ERCC6: variants seen among roughly 807,000 people sequenced by gnomAD.
ERCC6 encodes ERCC excision repair 6, chromatin remodeling factor, also known as DNA excision repair protein ERCC-6.
ERCC6 carries 116 observed loss-of-function variants against 158.7 expected under a neutral mutation model. The observed-to-expected ratio is 0.73, with a 90% CI of 0.63 to 0.85. The LOEUF (loss-of-function observed/expected upper bound fraction) is 0.85. Ranked by LOEUF, ERCC6 falls within the 40% of genes least tolerant of loss-of-function variation. ERCC6 has a pLI of 0.00. For missense variants in ERCC6, 1,698 were observed against 1,799.4 expected (o/e 0.94, Z 1.02); for synonymous variants, 678 against 659.3 (o/e 1.03, Z -0.43).
chr10:49,443,872 A>G, the ERCC6 span, among the ~76,000 whole-genome samples: 1 of 152,196 alleles, frequency 6.6e-6, no homozygotes, highest in Non-Finnish European at 1.5e-5. Context: ...CACAATGATA[A>G]AAGTGCCTAT....
chr10:49,484,864 C>T (rs1347009747), intron 8 of ERCC6, among the ~76,000 whole-genome samples: 1 of 152,218 alleles, frequency 6.6e-6, no homozygotes, highest in East Asian at 1.9e-4. Context: ...TTTTCTGCAA[C>T]ACTAAAAATG....
intron 5 of ERCC6, among the ~76,000 whole-genome samples, chr10:49,511,680 C>T (rs758397318): frequency 3.9e-5 from 6 of 152,264 alleles, no homozygotes; most frequent in Non-Finnish European, 8.8e-5. Flanking sequence ...CCTGCCTTGC[C>T]TTCCAAAGTG....
chr10:49,523,978 T>C lies in ERCC6; in HGVS notation c.1397+55A>G, dbSNP rs1837241774. 3.7e-6 allele frequency: 6 copies of C among 1,604,488 alleles called. No individual in the cohort carries two copies. The South Asian group carries it at 4.4e-5, about 12-fold the overall frequency. On this transcript the variant is annotated intron_variant, in intron 5 of 20. Transcript: ENST00000355832. ...TAGAATGCTTACATATTAATAAACC[T>C]GTCACCTAAGATAAAGCAAACAGTA...
At chr10:49,526,199 T>C (rs925029251) in intron 4 of ERCC6, among the ~76,000 whole-genome samples, 1 of 144,800 alleles carries the variant, frequency 6.9e-6, no homozygotes, top group Non-Finnish European at 1.5e-5. Context: ...CTGTCAGTTT[T>C]CCAAAGTGTT....
At chr10:49,510,880 C>T (rs575170076) in intron 5 of ERCC6, among the ~76,000 whole-genome samples, 2 of 152,138 alleles carry the variant, frequency 1.3e-5, no homozygotes, top group Admixed American at 1.3e-4. Flanking sequence ...ACTCCTTCTA[C>T]CCATATGACT....
intron 6 of ERCC6, chr10:49,503,487 CTCTT>C (rs1851389449): frequency 1.3e-5 from 2 of 152,186 alleles, no homozygotes; most frequent in African/African-American, 2.4e-5. Context: ...CAAAGAGTGG[CTCTT>C]TCTTTCCACA....
intron 19 of ERCC6, 44 bp from the exon 20 acceptor site, chr10:49,460,495 G>T: frequency 7.9e-7 from 1 of 1,261,418 alleles, no homozygotes; most frequent in South Asian, 1.2e-5. Context: ...GTTTGCTTTT[G>T]AGACTTAGAG....
intron 18 of ERCC6, among the ~76,000 whole-genome samples, chr10:49,467,411 T>C (rs574542172): frequency 1.3e-5 from 2 of 152,354 alleles, no homozygotes; most frequent in African/African-American, 4.8e-5. Flanking sequence ...ATTTTAGCCA[T>C]TCTAGAGGGT....
At chr10:49,445,942 C>T in the ERCC6 span, among the ~76,000 whole-genome samples, 1 of 152,128 alleles carries the variant, frequency 6.6e-6, no homozygotes, top group Admixed American at 6.5e-5. Context: ...ATCTACCTCC[C>T]GCTACAGAGA....
At chr10:49,524,830 A>G in intron 4 of ERCC6, 53 bp from the exon 5 acceptor site, 1 of 1,595,446 alleles carries the variant, frequency 6.3e-7, no homozygotes, top group South Asian at 1.1e-5. Context: ...TTCCGAGGGT[A>G]CAAAAGAAAT....
At chr10:49,490,928 C>CTGAGTT (rs1156952813) in intron 8 of ERCC6, among the ~76,000 whole-genome samples, 2 of 152,144 alleles carry the variant, frequency 1.3e-5, no homozygotes, top group African/African-American at 4.8e-5. Flanking sequence ...GCATTAGACG[C>CTGAGTT]TGAGTTAGAG....
chr10:49,478,731 T>C (rs1456040598), intron 10 of ERCC6, among the ~76,000 whole-genome samples: 4 of 152,182 alleles, frequency 2.6e-5, no homozygotes, highest in African/African-American at 7.2e-5. Flanking sequence ...AAACTGATAA[T>C]TTTGTGCCTT....
At chr10:49,537,520 C>T (rs942242743) in intron 1 of ERCC6, among the ~76,000 whole-genome samples, 2 of 151,632 alleles carry the variant, frequency 1.3e-5, no homozygotes, top group Admixed American at 6.6e-5. Flanking sequence ...CACACACACA[C>T]ACACACACAC....
intron 6 of ERCC6, chr10:49,502,600 A>G (rs1851374087): frequency 6.6e-6 from 1 of 152,252 alleles, no homozygotes; most frequent in Non-Finnish European, 1.5e-5. Context: ...TGACATCGCT[A>G]GAAAAAAATG....
At chr10:49,485,271 C>T (rs1419311327) in intron 8 of ERCC6, among the ~76,000 whole-genome samples, 3 of 152,138 alleles carry the variant, frequency 2.0e-5, no homozygotes, top group Non-Finnish European at 4.4e-5. Flanking sequence ...TACCAGGTCA[C>T]GCAGCTGCTA....
intron 5 of ERCC6, among the ~76,000 whole-genome samples, chr10:49,512,360 C>G (rs1836836022): frequency 6.6e-6 from 1 of 152,162 alleles, no homozygotes; most frequent in South Asian, 2.1e-4. Context: ...GCAATCCTGA[C>G]CTACCTACAC....
At chr10:49,460,065 A>G in intron 20 of ERCC6, 1 of 447,266 alleles carries the variant, frequency 2.2e-6, no homozygotes, top group East Asian at 4.7e-5. Flanking sequence ...TGGTCTCTGG[A>G]GCTGGCACTT....
chr10:49,470,912 T>G, intron 17 of ERCC6, 23 bp from the exon 18 acceptor site: 2 of 1,613,490 alleles, frequency 1.2e-6, no homozygotes, highest in Non-Finnish European at 1.7e-6. Flanking sequence ...AAAACACCAC[T>G]AATACTATAT....
downstream of ERCC6, among the ~76,000 whole-genome samples, chr10:49,450,015 G>T (rs1004809162): frequency 6.6e-6 from 1 of 152,112 alleles, no homozygotes; most frequent in Non-Finnish European, 1.5e-5. Flanking sequence ...TGGGACTACA[G>T]ATGCACATGA....
Sources: gnomAD v4.1 joint callset for allele counts (sites outside exome capture counted in the v4.1 genomes callset) on GRCh38, gnomAD v4.1.1 for gene constraint, MANE v1.5 for transcripts, NCBI Gene and HGNC (gene_info 2026-07-23, HGNC 2026-07-21) for gene names.